Variants in IGBP1C observed in about 807,000 individuals in gnomAD.
IGBP1C encodes immunoglobulin-binding protein 1 family member C.
At chr17:58,677,119 C>G in the IGBP1C span, among the ~76,000 whole-genome samples, 1 of 78,662 alleles carries the variant, frequency 1.3e-5, no homozygotes, top group Non-Finnish European at 2.6e-5. Flanking sequence ...AACTCCGTCT[C>G]AAAAAAAAAA....
chr17:58,669,755 A>AG, the IGBP1C span, among the ~76,000 whole-genome samples: 1 of 151,624 alleles, frequency 6.6e-6, no homozygotes, highest in South Asian at 2.1e-4. Flanking sequence ...AAAAAAAAAA[A>AG]AGCCAGCAAC....
the IGBP1C span, among the ~76,000 whole-genome samples, chr17:58,683,931 G>T: frequency 6.6e-6 from 1 of 151,244 alleles, no homozygotes; most frequent in African/African-American, 2.4e-5. Flanking sequence ...TGGGCGTGGT[G>T]GTGCATCCCT....
the IGBP1C span, among the ~76,000 whole-genome samples, chr17:58,672,298 C>T: frequency 6.6e-6 from 1 of 152,164 alleles, no homozygotes; most frequent in Non-Finnish European, 1.5e-5. Flanking sequence ...CTAACTGGTC[C>T]TAGAGCCAAT....
the IGBP1C span, among the ~76,000 whole-genome samples, chr17:58,662,935 G>A: frequency 6.6e-6 from 1 of 151,474 alleles, no homozygotes; most frequent in African/African-American, 2.4e-5. Flanking sequence ...GTGAAACCCC[G>A]TCTCTACTAA....
chr17:58,662,360 G>A, the IGBP1C span, among the ~76,000 whole-genome samples: 1 of 151,482 alleles, frequency 6.6e-6, no homozygotes, highest in Non-Finnish European at 1.5e-5. Flanking sequence ...TGAGGCAGGA[G>A]AATTGCTTGT....
At chr17:58,660,537 G>A in the IGBP1C span, 2 of 744,322 alleles carry the variant, frequency 2.7e-6, no homozygotes, top group Non-Finnish European at 4.9e-6. Context: ...CCTTGGCGGG[G>A]AAGGTGTGCA....
At chr17:58,666,617 C>A in the IGBP1C span, 1 of 152,142 alleles carries the variant, frequency 6.6e-6, no homozygotes, top group Non-Finnish European at 1.5e-5. Flanking sequence ...TCGTAGGGAT[C>A]AGCACAAAGT....
the IGBP1C span, chr17:58,666,483 A>AAAAAAAAAAC: frequency 6.7e-6 from 1 of 149,512 alleles, no homozygotes; most frequent in African/African-American, 2.5e-5. Context: ...AAAAAAAAAA[A>AAAAAAAAAAC]AAAAGCAAAA....
the IGBP1C span, chr17:58,677,578 G>A: frequency 6.6e-6 from 1 of 152,284 alleles, no homozygotes; most frequent in Non-Finnish European, 1.5e-5. Flanking sequence ...ATAACACAGG[G>A]GAAAGTGTGA....
the IGBP1C span, among the ~76,000 whole-genome samples, chr17:58,689,038 C>T: frequency 6.6e-6 from 1 of 152,042 alleles, no homozygotes; most frequent in Non-Finnish European, 1.5e-5. Context: ...TCACACCATT[C>T]TCCTGCCTCA....
chr17:58,668,319 C>T, the IGBP1C span, among the ~76,000 whole-genome samples: 23 of 152,350 alleles, frequency 1.5e-4, no homozygotes, highest in African/African-American at 5.5e-4. Flanking sequence ...TCCTGATGGT[C>T]CTGAACAAAG....
At chr17:58,683,234 A>G in the IGBP1C span, among the ~76,000 whole-genome samples, 3 of 151,332 alleles carry the variant, frequency 2.0e-5, no homozygotes, top group Non-Finnish European at 1.5e-5. Context: ...TTAGCTGGGC[A>G]TGGTGGCACG....
chr17:58,663,953 A>C, the IGBP1C span, among the ~76,000 whole-genome samples: 9 of 152,268 alleles, frequency 5.9e-5, no homozygotes, highest in East Asian at 1.7e-3. Flanking sequence ...CGAGGTGCTG[A>C]TATCACCTGA....
the IGBP1C span, among the ~76,000 whole-genome samples, chr17:58,680,116 G>C: frequency 4.0e-5 from 6 of 151,764 alleles, no homozygotes; most frequent in African/African-American, 1.5e-4. Context: ...GTCTTGCTTT[G>C]TTGCCCAGGC....
the IGBP1C span, among the ~76,000 whole-genome samples, chr17:58,668,864 A>C: frequency 4.6e-5 from 7 of 152,132 alleles, no homozygotes; most frequent in African/African-American, 1.7e-4. Flanking sequence ...GGGGGTCAAT[A>C]TATTACATCA....
At chr17:58,676,453 G>T in the IGBP1C span, among the ~76,000 whole-genome samples, 2 of 151,248 alleles carry the variant, frequency 1.3e-5, no homozygotes, top group South Asian at 4.2e-4. Context: ...TCAGCTACTC[G>T]GGAGGCTGAG....
the IGBP1C span, chr17:58,661,811 G>GTC: frequency 2.0e-6 from 1 of 487,946 alleles, no homozygotes; most frequent in Non-Finnish European, 3.6e-6. Flanking sequence ...GTCAAACTTT[G>GTC]TCTCTCTGTT....
chr17:58,660,959 T>A, the IGBP1C span: 19 of 1,123,584 alleles, frequency 1.7e-5, no homozygotes, highest in Non-Finnish European at 2.5e-5. Flanking sequence ...TATTTCCTGA[T>A]CAATGCTCTC....
chr17:58,670,858 C>T, the IGBP1C span, among the ~76,000 whole-genome samples: 4 of 150,678 alleles, frequency 2.7e-5, no homozygotes, highest in Non-Finnish European at 5.9e-5. Flanking sequence ...AGCATCTTTA[C>T]CACAATAAAA....
Sources: gnomAD v4.1 joint callset for allele counts (sites outside exome capture counted in the v4.1 genomes callset) on GRCh38, gnomAD v4.1.1 for gene constraint, MANE v1.5 for transcripts, NCBI Gene and HGNC (gene_info 2026-07-23, HGNC 2026-07-21) for gene names.